MSH4: variants seen among roughly 807,000 people sequenced by gnomAD.
MSH4 encodes mutS protein homolog 4.
Under a neutral mutation model 113.7 loss-of-function variants are expected in MSH4, and 106 were observed. The observed-to-expected ratio is 0.93, with a 90% CI of 0.80 to 1.10. The LOEUF is 1.10. Among genes scored for constraint, MSH4 ranks in the 50% least tolerant of loss-of-function variants. MSH4 has a pLI of 0.00. For synonymous variants in MSH4, 368 were observed against 380.2 expected, an observed-to-expected ratio of 0.97 and a Z score of 0.37; for missense variants, 1,061 against 1,093.7, an observed-to-expected ratio of 0.97 and a Z score of 0.42.
intron 9 of MSH4, among the ~76,000 whole-genome samples, chr1:75,872,355 A>G (rs1355037308): frequency 6.6e-6 from 1 of 152,218 alleles, no homozygotes; most frequent in Non-Finnish European, 1.5e-5. Context: ...CAAAACAAAG[A>G]AAATGTCAGA....
intron 8 of MSH4, among the ~76,000 whole-genome samples, chr1:75,863,115 C>G (rs1557514337): frequency 6.6e-6 from 1 of 151,820 alleles, no homozygotes; most frequent in Non-Finnish European, 1.5e-5. Context: ...AACTTTTTTT[C>G]AAATGATTTC....
intron 4 of MSH4, among the ~76,000 whole-genome samples, chr1:75,813,447 G>A (rs1390597177): frequency 6.6e-6 from 1 of 152,086 alleles, no homozygotes; most frequent in South Asian, 2.1e-4. Context: ...TTGACTCTAC[G>A]TGACCTACTG....
chr1:75,906,579 A>G, intron 19 of MSH4, among the ~76,000 whole-genome samples: 1 of 72,676 alleles, frequency 1.4e-5, no homozygotes, highest in Non-Finnish European at 2.5e-5. Flanking sequence ...AAATTTAAAT[A>G]TATATATTTT....
chr1:75,890,642 G>T, intron 16 of MSH4, 54 bp from the exon 17 acceptor site: 3 of 939,702 alleles, frequency 3.2e-6, no homozygotes, highest in Non-Finnish European at 3.1e-6. Context: ...TTTTTCCTGT[G>T]ATATTGACAG....
At chr1:75,831,278 G>A (rs1300114370) in intron 7 of MSH4, among the ~76,000 whole-genome samples, 1 of 152,164 alleles carries the variant, frequency 6.6e-6, no homozygotes, top group Non-Finnish European at 1.5e-5. Flanking sequence ...GGAGCACCCA[G>A]ATTCATAAAG....
Position 75,836,302 on chromosome 1 carries a change from C to T in MSH4, c.1163-11907C>T, listed in dbSNP as rs371408309. Reference sequence around the variant, plus strand: ...TCTTTTTCTCTTTTTCTTTCTTTTTCTTTTTTTTTTTTTTGAGACAAGGTC... The same window carrying T: ...TCTTTTTCTCTTTTTCTTTCTTTTTTTTTTTTTTTTTTTTGAGACAAGGTC... On this transcript the variant is annotated intron_variant, in intron 7 of 19. Transcript: ENST00000263187. Among the ~76,000 whole-genome samples the T allele has an allele frequency of 1.1e-4, 15 of 135,938 alleles. 1 individual carries two copies. The highest frequency in any genetic ancestry group is 9.2e-4 in the South Asian group (4 of 4,368). 89.2% of individuals were successfully genotyped at this position (135,938 alleles called of 152,430 possible).
chr1:75,900,456 C>A (rs1652482825), intron 19 of MSH4, among the ~76,000 whole-genome samples: 1 of 149,098 alleles, frequency 6.7e-6, no homozygotes, highest in Non-Finnish European at 1.5e-5. Flanking sequence ...CGCCCACCAC[C>A]ACACCCGGCT....
chr1:75,799,892 A>G (rs906310922), intron 1 of MSH4, among the ~76,000 whole-genome samples: 4 of 152,154 alleles, frequency 2.6e-5, no homozygotes, highest in African/African-American at 9.7e-5. Flanking sequence ...TGAGTGTGAA[A>G]AGCCTGTGGG....
chr1:75,832,915 G>C (rs1448470080), intron 7 of MSH4, among the ~76,000 whole-genome samples: 1 of 152,138 alleles, frequency 6.6e-6, no homozygotes, highest in Non-Finnish European at 1.5e-5. Flanking sequence ...ATTCAACATA[G>C]TGTTGGCAGT....
intron 15 of MSH4, among the ~76,000 whole-genome samples, chr1:75,886,888 T>G (rs1465324252): frequency 1.3e-5 from 2 of 148,626 alleles, no homozygotes; most frequent in African/African-American, 4.9e-5. Flanking sequence ...TTTATTCTCC[T>G]AGAAACTCCA....
chr1:75,813,164 T>C (rs1233037263), intron 4 of MSH4, among the ~76,000 whole-genome samples: 1 of 152,200 alleles, frequency 6.6e-6, no homozygotes, highest in East Asian at 1.9e-4. Context: ...TGTCCATGTA[T>C]GAATTCCAGG....
intron 19 of MSH4, among the ~76,000 whole-genome samples, chr1:75,902,106 A>G (rs1652517937): frequency 6.6e-6 from 1 of 152,054 alleles, no homozygotes; most frequent in Non-Finnish European, 1.5e-5. Context: ...ATTTTTTTCC[A>G]GTGGAGCAAT....
Position 75,845,924 on chromosome 1 carries a change from C to T in MSH4, c.1163-2285C>T, listed in dbSNP as rs148884841. Among the ~76,000 whole-genome samples the T allele has an allele frequency of 1.7e-3, 252 of 152,250 alleles. 3 individuals are homozygous for T. Among genetic ancestry groups the T allele is most frequent in the African/African-American group, 5.8e-3 (242 of 41,536 alleles). ...ACATCCTTTGAAATTTAGGCAGAAG[C>T]CACCATGGCTTCATACCTATTGTAT... On this transcript the variant is annotated intron_variant, in intron 7 of 19. Coordinates refer to ENST00000263187, the MANE Select transcript of MSH4 (RefSeq NM_002440.4).
chr1:75,900,332 GC>G (rs1652479921), intron 19 of MSH4, among the ~76,000 whole-genome samples: 1 of 151,910 alleles, frequency 6.6e-6, no homozygotes, highest in Non-Finnish European at 1.5e-5. Flanking sequence ...ATGGAGTTTT[GC>G]TCTTGTCATC....
chr1:75,854,011 G>GTATATATATATATA lies in MSH4; in HGVS notation c.1230+5736_1230+5737insATATATATATATAT, dbSNP rs72458089. ...TCATGGCTAGGGCATAAGTGTGTGT[G>GTATATATATATATA]TGTATATATATATATATGCATAAAT... On this transcript the variant is annotated intron_variant, in intron 8 of 19. Coordinates refer to ENST00000263187, the MANE Select transcript of MSH4 (RefSeq NM_002440.4). Among the ~76,000 whole-genome samples the GTATATATATATATA allele has an allele frequency of 8.6e-4, 97 of 112,156 alleles. 4 individuals are homozygous for GTATATATATATATA. The highest frequency in any genetic ancestry group is 2.1e-3 in the African/African-American group (74 of 35,744). 73.6% of individuals were successfully genotyped at this position (112,156 alleles called of 152,430 possible). A position where few individuals can be genotyped will look rare whatever the true frequency, so the allele number is the denominator to read the frequency against.
At chr1:75,897,274 G>A (rs375058451) in intron 17 of MSH4, among the ~76,000 whole-genome samples, 5 of 152,092 alleles carry the variant, frequency 3.3e-5, no homozygotes, top group African/African-American at 1.2e-4. Flanking sequence ...ATTTTTCAGG[G>A]GATATGTACC....
At position 75,897,981 on chromosome 1, in the gene MSH4, G is replaced by A. The variant is rs962930577; in HGVS notation, c.2430G>A (p.Met810Ile). The A allele has an allele frequency of 6.2e-7, 1 of 1,606,602 alleles. No individual in the cohort carries two copies. The highest frequency in any genetic ancestry group is 8.5e-7 in the Non-Finnish European group (1 of 1,175,798). The change falls in exon 18 of 20, where the codon ATG (methionine) becomes ATA (isoleucine). Residue 810 changes from methionine to isoleucine, a missense_variant. Met to Ile is a conservative substitution (Grantham distance 10). Coordinates refer to ENST00000263187, the MANE Select transcript of MSH4 (RefSeq NM_002440.4). ...CCCTGTATCCTAATGTAGAAAACAT[G>A]CATTTTGAAGTTCAACATGTAAAGA... ...IDALYPNVEN[M>I]HFEVQHVKNT...
At chr1:75,881,845 A>G (rs1163622366) in intron 14 of MSH4, among the ~76,000 whole-genome samples, 2 of 152,086 alleles carry the variant, frequency 1.3e-5, no homozygotes, top group East Asian at 1.9e-4. Context: ...GGCCATGAAT[A>G]TAAATGTTAA....
At chr1:75,848,311 A>G (rs1381292415) in intron 8 of MSH4, 35 bp downstream of exon 8, 2 of 1,360,196 alleles carry the variant, frequency 1.5e-6, no homozygotes, top group Non-Finnish European at 2.1e-6. Context: ...TTATATTATT[A>G]TACATTATTT....
Sources: allele counts gnomAD v4.1 joint callset (sites outside exome capture counted in the v4.1 genomes callset), GRCh38; gene constraint gnomAD v4.1.1; transcripts MANE v1.5; gene names NCBI Gene and HGNC (gene_info 2026-07-23, HGNC 2026-07-21).